The following RHBDD1 variants were observed in gnomAD, a reference collection of about 807,000 sequenced individuals.
RHBDD1 encodes rhomboid-related protein 4.
Under a neutral mutation model 36.3 loss-of-function variants are expected in RHBDD1, and 38 were observed. The observed-to-expected ratio is 1.05, with a 90% CI of 0.81 to 1.37. The LOEUF is 1.37. Ranked by LOEUF, RHBDD1 falls within the 40% of genes most tolerant of loss-of-function variation. The probability of loss-of-function intolerance (pLI) is 0.00; values close to 1 mark genes in which losing one functional copy is unlikely to be tolerated. For synonymous variants in RHBDD1, 151 were observed against 136.5 expected (o/e 1.11, Z -0.74); for missense variants, 393 against 377.6 (o/e 1.04, Z -0.34).
intron 8 of RHBDD1, among the ~76,000 whole-genome samples, chr2:226,972,946 C>A (rs200635098): frequency 0.016 from 2,101 of 128,140 alleles, 9 homozygotes; most frequent in Middle Eastern, 0.028. Flanking sequence ...AAAAAAAAAA[C>A]AAAAAACCAT....
chr2:226,914,170 C>T (rs1948726971), intron 7 of RHBDD1, 38 bp from the exon 8 acceptor site: 15 of 1,604,104 alleles, frequency 9.4e-6, no homozygotes, highest in Non-Finnish European at 1.3e-5. Flanking sequence ...AACAACAGTC[C>T]ATAGCTGTGT....
At position 226,865,035 on chromosome 2, in the gene RHBDD1, T is replaced by A; in HGVS notation, c.342T>A (p.Leu114=). The change falls in exon 4 of 9, where the codon CTT becomes CTA. Residue 114 remains leucine (L), a synonymous_variant. Coordinates refer to ENST00000392062, the MANE Select transcript of RHBDD1 (RefSeq NM_001167608.3). ...FAYVITAFSV[L]TGVVYLLLQF... ...ATGTTATCACCGCATTTTCTGTACTTACTGGAGTGGTATACCTGCTCTTGC... is the reference window on the plus strand; with the variant it reads ...ATGTTATCACCGCATTTTCTGTACTAACTGGAGTGGTATACCTGCTCTTGC... 1.2e-6 allele frequency: 2 copies of A among 1,614,180 alleles called. No homozygotes were observed. Among genetic ancestry groups the A allele is most frequent in the Non-Finnish European group, 1.7e-6 (2 of 1,179,988 alleles).
the RHBDD1 span, among the ~76,000 whole-genome samples, chr2:226,815,713 G>GAA: frequency 1.3e-5 from 2 of 148,818 alleles, no homozygotes; most frequent in African/African-American, 4.9e-5. Context: ...GTACTCTGGA[G>GAA]AAAAAAAAAA....
chr2:226,954,641 G>A (rs1951668410), intron 8 of RHBDD1, among the ~76,000 whole-genome samples: 1 of 152,130 alleles, frequency 6.6e-6, no homozygotes, highest in South Asian at 2.1e-4. Context: ...CGGGAGAGAG[G>A]ATGAAGAGAT....
intron 8 of RHBDD1, among the ~76,000 whole-genome samples, chr2:226,971,127 TTCATGGGCC>T (rs1953404739): frequency 6.6e-6 from 1 of 152,214 alleles, no homozygotes; most frequent in Non-Finnish European, 1.5e-5. Context: ...CTGGAACATT[TTCATGGGCC>T]TTTAAAAAAC....
At chr2:226,904,428 G>GC (rs1947871701) in intron 5 of RHBDD1, among the ~76,000 whole-genome samples, 2 of 63,466 alleles carry the variant, frequency 3.2e-5, no homozygotes, top group Non-Finnish European at 3.4e-5. Context: ...GGGGGAGGGG[G>GC]GTCAGGGAAC....
chr2:226,879,506 G>C (rs1945527557), intron 5 of RHBDD1, among the ~76,000 whole-genome samples: 1 of 152,136 alleles, frequency 6.6e-6, no homozygotes, highest in Non-Finnish European at 1.5e-5. Flanking sequence ...CTTCACCTGA[G>C]CCAGAAATGC....
At position 226,955,822 on chromosome 2, in the gene RHBDD1, A is replaced by G. The variant is rs575902612; in HGVS notation, c.857-39609A>G. On this transcript the variant is annotated intron_variant, in intron 8 of 8. Coordinates refer to ENST00000392062, the MANE Select transcript of RHBDD1 (RefSeq NM_001167608.3). ...CCTGTTGGATTAGGGCTCCACCCCT[A>G]TCACCTCATTTAACCTTAATTACCT... 5.9e-5 allele frequency among the ~76,000 whole-genome samples: 9 copies of G among 152,208 alleles called. No homozygotes were observed. The South Asian group carries it at 8.3e-4, about 14-fold the overall frequency.
chr2:226,873,793 T>C (rs1046480309), intron 5 of RHBDD1, among the ~76,000 whole-genome samples: 1 of 152,090 alleles, frequency 6.6e-6, no homozygotes, highest in Non-Finnish European at 1.5e-5. Flanking sequence ...AATTGAGACA[T>C]GGAGGAAGAA....
chr2:226,906,028 C>G (rs957500708), intron 5 of RHBDD1, among the ~76,000 whole-genome samples: 2 of 152,082 alleles, frequency 1.3e-5, no homozygotes, highest in African/African-American at 4.8e-5. Flanking sequence ...ATTTCTTAAA[C>G]TCAGGCTGGT....
intron 8 of RHBDD1, among the ~76,000 whole-genome samples, chr2:226,955,944 G>A (rs1046514843): frequency 3.9e-5 from 6 of 152,164 alleles, no homozygotes; most frequent in Admixed American, 6.5e-5. Context: ...AACAAGTAAC[G>A]ATTATCTACC....
intron 8 of RHBDD1, among the ~76,000 whole-genome samples, chr2:226,983,968 T>C (rs1049936098): frequency 1.3e-5 from 2 of 152,218 alleles, no homozygotes; most frequent in African/African-American, 4.8e-5. Context: ...TATTTGTGAA[T>C]GGAGGAACTG....
At chr2:226,897,349 T>A (rs1360464943) in intron 5 of RHBDD1, among the ~76,000 whole-genome samples, 2 of 152,130 alleles carry the variant, frequency 1.3e-5, no homozygotes, top group Non-Finnish European at 2.9e-5. Flanking sequence ...TCCATCTGTC[T>A]CCTCCACTCT....
In RHBDD1 at chr2:226,988,709, C is replaced by CATAT. The variant is rs542550227; in HGVS notation, c.857-6720_857-6717dup. 3.7e-4 allele frequency: 357 copies of CATAT among 952,366 alleles called. No homozygotes were observed. In the African/African-American group the frequency reaches 6.2e-3, roughly 17 times the overall value. The allele number at this position is 952,366 out of a possible 1,614,324, so 59.0% of individuals were successfully genotyped here. On this transcript the variant is annotated intron_variant, in intron 8 of 8. Transcript: ENST00000392062. ...ACTTTTTCTATCATTTTACAGACCT[C>CATAT]ATATACATAGATATAGATATATTAA...
At chr2:226,874,604 A>G (rs1281545143) in intron 5 of RHBDD1, among the ~76,000 whole-genome samples, 3 of 151,792 alleles carry the variant, frequency 2.0e-5, no homozygotes, top group Non-Finnish European at 2.9e-5. Flanking sequence ...TCCTTTTTCT[A>G]TCTGTGTTAA....
intron 3 of RHBDD1, among the ~76,000 whole-genome samples, chr2:226,841,216 G>A (rs1258246878): frequency 4.6e-5 from 7 of 151,898 alleles, no homozygotes; most frequent in South Asian, 2.1e-4. Context: ...CACTGCAGCC[G>A]GGACCTCCTG....
chr2:226,864,973 A>C lies in RHBDD1; in HGVS notation c.280A>C (p.Asn94His). 1 of 1,614,232 alleles carries C rather than the reference A, an allele frequency of 6.2e-7. No individual in the cohort carries two copies. Among genetic ancestry groups the C allele is most frequent in the Non-Finnish European group, 8.5e-7 (1 of 1,180,028 alleles). The change falls in exon 4 of 9, where the codon AAT (asparagine) becomes CAT (histidine). Residue 94 changes from asparagine (N) to histidine (H), a missense_variant. Coordinates refer to ENST00000392062, the MANE Select transcript of RHBDD1 (RefSeq NM_001167608.3). ...GGCATCCATGCTCTGGAAAGGAATAAATCTAGAAAGAAGACTGGGAAGTAG... is the reference window on the plus strand; with the variant it reads ...GGCATCCATGCTCTGGAAAGGAATACATCTAGAAAGAAGACTGGGAAGTAG... ...NMASMLWKGI[N>H]LERRLGSRWF...
At chr2:226,845,019 A>AT (rs964279010) in intron 3 of RHBDD1, among the ~76,000 whole-genome samples, 8 of 150,138 alleles carry the variant, frequency 5.3e-5, no homozygotes, top group South Asian at 2.1e-4. Context: ...TGATGCTGAC[A>AT]TTTTTTTTTT....
chr2:226,885,000 T>C (rs1480487862), intron 5 of RHBDD1, among the ~76,000 whole-genome samples: 1 of 152,080 alleles, frequency 6.6e-6, no homozygotes, highest in Non-Finnish European at 1.5e-5. Context: ...AGAAAAACAC[T>C]GACAGGCAGA....
Sources: allele counts gnomAD v4.1 joint callset (sites outside exome capture counted in the v4.1 genomes callset), GRCh38; gene constraint gnomAD v4.1.1; transcripts MANE v1.5; gene names NCBI Gene and HGNC (gene_info 2026-07-23, HGNC 2026-07-21).